The following ARL13B variants were observed in gnomAD, a reference collection of about 807,000 sequenced individuals.
ARL13B encodes ADP-ribosylation factor-like protein 13B.
ARL13B carries 36 observed loss-of-function variants against 56.1 expected under a neutral mutation model. The ratio of observed to expected loss-of-function variants is 0.64; its 90% CI spans 0.49 to 0.85. The LOEUF (loss-of-function observed/expected upper bound fraction) is 0.85, where lower values mean the gene tolerates loss of function less well. Among genes scored for constraint, ARL13B ranks in the 40% least tolerant of loss-of-function variants. ARL13B has a pLI of 0.00. For missense variants in ARL13B, 519 were observed against 507.1 expected (o/e 1.02, Z -0.23); for synonymous variants, 178 against 171.1 (o/e 1.04, Z -0.32).
At position 94,053,559 on chromosome 3, in the gene ARL13B, G is replaced by A. The variant is rs1560020368; in HGVS notation, c.*296G>A. On this transcript the variant is annotated 3_prime_UTR_variant, in exon 10 of 10. Transcript: ENST00000394222. ...CCCACTCATGAGCATACTTCTGAAG[G>A]AAAACTTTACAAAAAGAGCCAATGG... The A allele has an allele frequency of 1.8e-6, 1 of 542,296 alleles. No individual in the cohort carries two copies. Among genetic ancestry groups the A allele is most frequent in the Non-Finnish European group, 3.5e-6 (1 of 285,118 alleles). 33.6% of individuals were successfully genotyped at this position (542,296 alleles called of 1,614,324 possible). A position where few individuals can be genotyped will look rare whatever the true frequency, so the allele number is the denominator to read the frequency against.
intron 9 of ARL13B, among the ~76,000 whole-genome samples, chr3:94,052,597 G>C (rs545141885): frequency 1.3e-5 from 2 of 152,256 alleles, no homozygotes; most frequent in South Asian, 4.1e-4. Context: ...GGGTAAGAAA[G>C]AGAAAATATA....
intron 6 of ARL13B, among the ~76,000 whole-genome samples, chr3:94,041,599 A>G (rs1010262628): frequency 3.9e-5 from 6 of 152,196 alleles, no homozygotes; most frequent in Non-Finnish European, 7.3e-5. Flanking sequence ...GTTAAAAAGC[A>G]AAAATGAAAA....
intron 1 of ARL13B, among the ~76,000 whole-genome samples, chr3:93,984,298 G>GTCT (rs1710348769): frequency 6.6e-6 from 1 of 151,872 alleles, no homozygotes. Context: ...AGAGGTTGCA[G>GTCT]TGAGCTGAGA....
chr3:94,053,130 C>G, intron 9 of ARL13B, 57 bp from the exon 10 acceptor site: 1 of 1,412,560 alleles, frequency 7.1e-7, no homozygotes, highest in Non-Finnish European at 9.9e-7. Flanking sequence ...TGAACTGTGT[C>G]AAAAATCTTG....
In ARL13B at chr3:93,983,322, G is replaced by A. The variant is rs144146581; in HGVS notation, c.59+2840G>A. On this transcript the variant is annotated intron_variant, in intron 1 of 9. Transcript: ENST00000394222. The stretch of plus-strand genomic sequence containing the variant: ...AGTCAAGATCTTATAAAAGTTTAAC[G>A]CTTCATCCCCCTTAGTGGAGTACTG... Among the ~76,000 whole-genome samples the A allele has an allele frequency of 4.8e-4, 73 of 152,186 alleles. 1 individual carries two copies. The highest frequency in any genetic ancestry group is 1.5e-3 in the African/African-American group (61 of 41,528).
chr3:94,031,392 T>C (rs1321245109), intron 3 of ARL13B, among the ~76,000 whole-genome samples: 1 of 152,162 alleles, frequency 6.6e-6, no homozygotes, highest in Non-Finnish European at 1.5e-5. Context: ...GGTTTTAGTC[T>C]TTAAAATGCC....
chr3:94,028,987 A>G (rs1283463960), intron 3 of ARL13B, among the ~76,000 whole-genome samples: 2 of 152,068 alleles, frequency 1.3e-5, no homozygotes, highest in East Asian at 3.9e-4. Flanking sequence ...CAGAAGGAGA[A>G]CATCCAGGAA....
intron 1 of ARL13B, among the ~76,000 whole-genome samples, chr3:93,990,592 A>G (rs2075856254): frequency 1.3e-5 from 2 of 152,136 alleles, no homozygotes; most frequent in African/African-American, 4.8e-5. Flanking sequence ...GGTGCTTAAA[A>G]AGTTTAGGAT....
intron 6 of ARL13B, among the ~76,000 whole-genome samples, chr3:94,042,198 A>G (rs1365564201): frequency 6.6e-6 from 1 of 152,208 alleles, no homozygotes; most frequent in East Asian, 1.9e-4. Context: ...CAATCATGAT[A>G]TGTGGTATTG....
intron 6 of ARL13B, among the ~76,000 whole-genome samples, chr3:94,040,715 C>G (rs2107140734): frequency 6.8e-6 from 1 of 147,198 alleles, no homozygotes; most frequent in East Asian, 2.0e-4. Context: ...TCCATTCTAT[C>G]AGATATTATA....
At chr3:94,009,068 G>C (rs774951348) in intron 3 of ARL13B, among the ~76,000 whole-genome samples, 1 of 140,776 alleles carries the variant, frequency 7.1e-6, no homozygotes, top group Non-Finnish European at 1.5e-5. Flanking sequence ...TCCTCAAGGA[G>C]CAGTAAAGAT....
At chr3:94,011,646 A>C (rs1025920578) in intron 3 of ARL13B, among the ~76,000 whole-genome samples, 1 of 151,882 alleles carries the variant, frequency 6.6e-6, no homozygotes, top group African/African-American at 2.4e-5. Flanking sequence ...TTCATACTCC[A>C]CTTCTTTCTG....
At chr3:94,042,937 G>T (rs1576040663) in intron 6 of ARL13B, 78 bp from the exon 7 acceptor site, 1 of 1,168,732 alleles carries the variant, frequency 8.6e-7, no homozygotes, top group East Asian at 2.6e-5. Context: ...TCCTGTTAAG[G>T]TATTTGATTT....
intron 3 of ARL13B, among the ~76,000 whole-genome samples, chr3:94,012,213 A>G (rs908490059): frequency 7.9e-5 from 12 of 152,202 alleles, no homozygotes; most frequent in African/African-American, 2.4e-4. Context: ...TATTTACTAA[A>G]ATGACCCAAA....
intron 1 of ARL13B, 66 bp downstream of exon 1, chr3:93,980,548 C>T: frequency 2.5e-6 from 4 of 1,588,000 alleles, no homozygotes; most frequent in East Asian, 2.2e-5. Context: ...AGGGGCGAGG[C>T]GCCGCCTTTT....
intron 1 of ARL13B, among the ~76,000 whole-genome samples, chr3:93,987,654 GTAATTCCTT>G (rs1710533350): frequency 6.6e-6 from 1 of 151,980 alleles, no homozygotes; most frequent in Non-Finnish European, 1.5e-5. Flanking sequence ...AACCTCTATT[GTAATTCCTT>G]TTTCTGAAAC....
intron 6 of ARL13B, among the ~76,000 whole-genome samples, chr3:94,041,980 T>C (rs9848659): frequency 0.21 from 31,839 of 151,968 alleles, 3,476 homozygotes; most frequent in Middle Eastern, 0.27. Context: ...TGCTTAAACC[T>C]GGAGGGGTGG....
intron 3 of ARL13B, among the ~76,000 whole-genome samples, chr3:94,030,096 A>G (rs1473022131): frequency 6.6e-6 from 1 of 152,222 alleles, no homozygotes; most frequent in Non-Finnish European, 1.5e-5. Context: ...AAATAATGGG[A>G]GGATGAACTA....
chr3:94,029,671 C>T (rs1212220424), intron 3 of ARL13B, among the ~76,000 whole-genome samples: 2 of 151,956 alleles, frequency 1.3e-5, no homozygotes, highest in African/African-American at 4.8e-5. Flanking sequence ...TTTGTTTTAA[C>T]AGTTCTACTT....
Sources: allele counts gnomAD v4.1 joint callset (sites outside exome capture counted in the v4.1 genomes callset), GRCh38; gene constraint gnomAD v4.1.1; transcripts MANE v1.5; gene names NCBI Gene and HGNC (gene_info 2026-07-23, HGNC 2026-07-21).